The following WWP2 variants were observed in gnomAD, a reference collection of about 807,000 sequenced individuals.
The protein encoded by WWP2 is WW domain containing E3 ubiquitin protein ligase 2.
A neutral mutation model predicts 121.0 loss-of-function variants in WWP2; 57 were observed. That is an observed-to-expected ratio of 0.47 (90% CI 0.38 to 0.59). WWP2 has a LOEUF of 0.59. WWP2 is among the 20% of genes least tolerant of loss of function. The pLI, the probability that WWP2 is intolerant of heterozygous loss-of-function variation, is 0.00. For missense variants in WWP2, 962 were observed against 1,158.9 expected, an observed-to-expected ratio of 0.83 and a Z score of 2.47; for synonymous variants, 449 against 441.3, an observed-to-expected ratio of 1.02 and a Z score of -0.22.
intron 9 of WWP2, chr16:69,909,493 C>T (rs2058349391): frequency 1.0e-6 from 1 of 985,480 alleles, no homozygotes; most frequent in African/African-American, 1.7e-5. Flanking sequence ...AGGCGTGTGC[C>T]ACACACATCC....
At chr16:69,826,713 A>C (rs2056700680) in intron 4 of WWP2, among the ~76,000 whole-genome samples, 1 of 100,876 alleles carries the variant, frequency 9.9e-6, no homozygotes, top group Non-Finnish European at 2.1e-5. Flanking sequence ...CCCTCTCTCT[A>C]ATAAAAATAC....
intron 1 of WWP2, among the ~76,000 whole-genome samples, chr16:69,772,806 C>T (rs1221124668): frequency 1.3e-5 from 2 of 152,040 alleles, no homozygotes; most frequent in East Asian, 1.9e-4. Flanking sequence ...CCTGCCTCAC[C>T]ACCAGTGATT....
intron 1 of WWP2, among the ~76,000 whole-genome samples, chr16:69,784,091 CTTTTTT>C (rs61650147): frequency 4.9e-5 from 3 of 60,860 alleles, no homozygotes; most frequent in East Asian, 4.7e-4. Context: ...TTCTTTCTTT[CTTTTTT>C]TTTTTTTTTT....
chr16:69,881,535 T>C (rs1264503717), intron 7 of WWP2, among the ~76,000 whole-genome samples: 1 of 152,242 alleles, frequency 6.6e-6, no homozygotes, highest in Non-Finnish European at 1.5e-5. Flanking sequence ...AGTAGTATAC[T>C]AATTATTATT....
At position 69,941,057 on chromosome 16, in the gene WWP2, A is replaced by T. The variant is rs984427705; in HGVS notation, c.*1117A>T. 3 of 152,690 alleles carry T rather than the reference A, an allele frequency of 2.0e-5. No individual in the cohort carries two copies. The highest frequency in any genetic ancestry group is 4.4e-5 in the Non-Finnish European group (3 of 68,092). The allele number at this position is 152,690 out of a possible 1,614,324, so 9.5% of individuals were successfully genotyped here. On this transcript the variant is annotated 3_prime_UTR_variant, in exon 24 of 24. Transcript: ENST00000359154. The stretch of plus-strand genomic sequence containing the variant: ...AGAATGGAGTGCAGCCCGCCAGCGG[A>T]AAGTGTTCATTCTGCATAGGTGTGA...
At position 69,913,313 on chromosome 16, in the gene WWP2, G is replaced by A. The variant is rs570985617; in HGVS notation, c.1005-4396G>A. ...CTCCCAAAGTGGTGGGATTACAGGC[G>A]TGAGCCACCACGCCCAGCCAAAAAA... On this transcript the variant is annotated intron_variant, in intron 9 of 23. Transcript: ENST00000359154. Among the ~76,000 whole-genome samples, 5 of 151,174 alleles carry A rather than the reference G, an allele frequency of 3.3e-5. No individual in the cohort carries two copies. In the East Asian group the frequency reaches 5.8e-4, roughly 18 times the overall value.
intron 2 of WWP2, among the ~76,000 whole-genome samples, chr16:69,793,209 T>C (rs955517457): frequency 3.9e-5 from 6 of 151,922 alleles, no homozygotes; most frequent in African/African-American, 1.5e-4. Flanking sequence ...AAAAATTAGC[T>C]GGGTGTGATG....
chr16:69,831,298 G>A (rs1465598550), intron 4 of WWP2, among the ~76,000 whole-genome samples: 2 of 152,106 alleles, frequency 1.3e-5, no homozygotes, highest in South Asian at 2.1e-4. Flanking sequence ...CATACATTTC[G>A]GTGGTATGGG....
intron 8 of WWP2, among the ~76,000 whole-genome samples, chr16:69,899,726 CAAAAAAAAAA>C (rs35485826): frequency 6.2e-5 from 4 of 64,754 alleles, no homozygotes; most frequent in Non-Finnish European, 8.9e-5. Context: ...GACTCCGTCT[CAAAAAAAAAA>C]AAAAAAAAAA....
At chr16:69,790,688 G>T (rs2055891068) in intron 2 of WWP2, among the ~76,000 whole-genome samples, 1 of 152,130 alleles carries the variant, frequency 6.6e-6, no homozygotes, top group Admixed American at 6.5e-5. Flanking sequence ...CGATTCTCAT[G>T]CCTCAGCCTC....
chr16:69,764,940 A>G (rs997168771), intron 1 of WWP2, among the ~76,000 whole-genome samples: 4 of 152,262 alleles, frequency 2.6e-5, no homozygotes, highest in Admixed American at 2.6e-4. Flanking sequence ...ATGGTGGCTC[A>G]TGCCTATAAT....
intron 7 of WWP2, 80 bp downstream of exon 7, chr16:69,872,011 C>T: frequency 6.6e-7 from 1 of 1,523,584 alleles, no homozygotes; most frequent in Non-Finnish European, 8.8e-7. Flanking sequence ...GGATCCTGCC[C>T]ACTGTGTCAG....
intron 4 of WWP2, among the ~76,000 whole-genome samples, chr16:69,828,868 G>C (rs1037419961): frequency 6.6e-6 from 1 of 152,058 alleles, no homozygotes; most frequent in African/African-American, 2.4e-5. Flanking sequence ...ACCGTGTGCA[G>C]GTGAGCCACA....
chr16:69,787,375 G>A lies in WWP2; in HGVS notation c.70+295G>A, dbSNP rs564474559. Among the ~76,000 whole-genome samples the A allele has an allele frequency of 2.0e-3, 297 of 152,270 alleles. 1 individual carries two copies. The highest frequency in any genetic ancestry group is 3.5e-3 in the Admixed American group (54 of 15,286). On this transcript the variant is annotated intron_variant, in intron 2 of 23. Coordinates refer to ENST00000359154, the MANE Select transcript of WWP2 (RefSeq NM_001270454.2). Reference sequence around the variant, plus strand: ...AGGCTGAGGCAGGAGGATCCCTTAAGCCCAGAGTTTCAAGACCAGCCTGGG... The same window carrying A: ...AGGCTGAGGCAGGAGGATCCCTTAAACCCAGAGTTTCAAGACCAGCCTGGG...
chr16:69,766,055 C>T (rs549930424), intron 1 of WWP2, among the ~76,000 whole-genome samples: 1 of 152,220 alleles, frequency 6.6e-6, no homozygotes, highest in African/African-American at 2.4e-5. Flanking sequence ...ATCTAATTGC[C>T]CACAATATCT....
At chr16:69,881,126 A>G (rs2057821235) in intron 7 of WWP2, among the ~76,000 whole-genome samples, 2 of 152,338 alleles carry the variant, frequency 1.3e-5, no homozygotes, top group South Asian at 4.1e-4. Flanking sequence ...TGCAACTGCC[A>G]TCTTACTGCT....
intron 4 of WWP2, among the ~76,000 whole-genome samples, chr16:69,823,008 G>A (rs1466028369): frequency 2.0e-5 from 3 of 152,068 alleles, no homozygotes; most frequent in Non-Finnish European, 1.5e-5. Context: ...ATGGTGGCAC[G>A]TAATCTCAGC....
At chr16:69,917,400 A>T (rs2058492826) in intron 9 of WWP2, among the ~76,000 whole-genome samples, 1 of 152,200 alleles carries the variant, frequency 6.6e-6, no homozygotes, top group African/African-American at 2.4e-5. Flanking sequence ...ATGTCCTGAG[A>T]TTGGCTGTGG....
chr16:69,931,613 C>T (rs2058714762), intron 15 of WWP2, 33 bp downstream of exon 15: 2 of 1,612,818 alleles, frequency 1.2e-6, no homozygotes, highest in African/African-American at 1.3e-5. Flanking sequence ...CAGTGGCAGG[C>T]CGACGCCCTC....
Sources: allele counts gnomAD v4.1 joint callset (sites outside exome capture counted in the v4.1 genomes callset), GRCh38; gene constraint gnomAD v4.1.1; transcripts MANE v1.5; gene names NCBI Gene and HGNC (gene_info 2026-07-23, HGNC 2026-07-21).